Variants in MAP2K5 observed in about 807,000 individuals in gnomAD.
The protein encoded by MAP2K5 is mitogen-activated protein kinase kinase 5.
A neutral mutation model predicts 83.1 loss-of-function variants in MAP2K5; 49 were observed. The ratio of observed to expected loss-of-function variants is 0.59; its 90% CI spans 0.47 to 0.75. MAP2K5 has a LOEUF of 0.75. Among genes scored for constraint, MAP2K5 ranks in the 30% least tolerant of loss-of-function variants. The pLI, the probability that MAP2K5 is intolerant of heterozygous loss-of-function variation, is 0.00. For synonymous variants in MAP2K5, 202 were observed against 191.8 expected (o/e 1.05, Z -0.44); for missense variants, 457 against 557.5 (o/e 0.82, Z 1.82).
chr15:67,626,102 A>T (rs1364618878), intron 8 of MAP2K5, among the ~76,000 whole-genome samples: 1 of 152,218 alleles, frequency 6.6e-6, no homozygotes, highest in Non-Finnish European at 1.5e-5. Context: ...ATTCGAATAT[A>T]TAATATTTTT....
At position 67,720,115 on chromosome 15, in the gene MAP2K5, C is replaced by G. The variant is rs2088920131; in HGVS notation, c.1045-7801C>G. On this transcript the variant is annotated intron_variant, in intron 16 of 21. Coordinates refer to ENST00000178640, the MANE Select transcript of MAP2K5 (RefSeq NM_145160.3). The surrounding 1 kb of genome is among the most constrained non-coding windows in gnomAD (Gnocchi z 5.7). ...CCTTTTTTATTTATCAATTAGCTGC[C>G]TTATACTTACTATGGCCTAGTTAAA... Among the ~76,000 whole-genome samples, 1 of 152,042 alleles carries G rather than the reference C, an allele frequency of 6.6e-6. No individual in the cohort carries two copies. Among genetic ancestry groups the G allele is most frequent in the Non-Finnish European group, 1.5e-5 (1 of 68,022 alleles).
chr15:67,582,852 AC>A, intron 4 of MAP2K5, among the ~76,000 whole-genome samples: 1 of 149,162 alleles, frequency 6.7e-6, no homozygotes, highest in African/African-American at 2.5e-5. Context: ...ACACACACAC[AC>A]ACTTCCAATG....
rs1218224579 is a variant in MAP2K5, at chr15:67,577,586, T to C, written c.253-3168T>C. On this transcript the variant is annotated intron_variant, in intron 3 of 21. Transcript: ENST00000178640. This position sits in a 1 kb window ranked among gnomAD's most constrained non-coding sequence, Gnocchi z 4.1. ...TGGTCGTTGCTGTTTGTTTCTTTGTTTTTTTCTTTTCTTTTGGTTTTGGTC... is the reference window on the plus strand; with the variant it reads ...TGGTCGTTGCTGTTTGTTTCTTTGTCTTTTTCTTTTCTTTTGGTTTTGGTC... Among the ~76,000 whole-genome samples the C allele has an allele frequency of 6.6e-6, 1 of 152,236 alleles. No individual in the cohort carries two copies. The highest frequency in any genetic ancestry group is 2.4e-5 in the African/African-American group (1 of 41,460).
rs1214739603 is a variant in MAP2K5, at chr15:67,802,074, C to G, written c.1243-4572C>G. Among the ~76,000 whole-genome samples the G allele has an allele frequency of 6.6e-6, 1 of 152,164 alleles. No homozygotes were observed. Among genetic ancestry groups the G allele is most frequent in the Non-Finnish European group, 1.5e-5 (1 of 68,026 alleles). On this transcript the variant is annotated intron_variant, in intron 21 of 21. Transcript: ENST00000178640. This position sits in a 1 kb window ranked among gnomAD's most constrained non-coding sequence, Gnocchi z 5.0. ...CCTCCATTCTTGCCCACAAGATGAG[C>G]ACACCAAGCCCTGCCCCCTGCCTCC... is the stretch of plus-strand genomic sequence containing the variant.
chr15:67,543,417 G>C lies in MAP2K5; in HGVS notation c.82G>C (p.Ala28Pro), dbSNP rs1376634815. The part of the protein sequence containing the change: ...VIRIKIPNSG[A>P]VDWTVHSGPQ... Reference sequence around the variant, plus strand: ...TCGCATCAAGATCCCAAATAGTGGCGCGGTGGACTGGACAGTGCACTCCGG... The same window carrying C: ...TCGCATCAAGATCCCAAATAGTGGCCCGGTGGACTGGACAGTGCACTCCGG... The change falls in exon 1 of 22, where the codon GCG (alanine) becomes CCG (proline). Residue 28 changes from alanine to proline, a missense_variant. Coordinates refer to ENST00000178640, the MANE Select transcript of MAP2K5 (RefSeq NM_145160.3). The surrounding 1 kb of genome is among the most constrained non-coding windows in gnomAD (Gnocchi z 4.3). The C allele has an allele frequency of 6.2e-7, 1 of 1,613,994 alleles. No individual in the cohort carries two copies. The highest frequency in any genetic ancestry group is 8.5e-7 in the Non-Finnish European group (1 of 1,180,022).
In MAP2K5 at chr15:67,652,730, A is replaced by G. The variant is rs1425469976; in HGVS notation, c.737-5823A>G. On this transcript the variant is annotated intron_variant, in intron 11 of 21. Coordinates refer to ENST00000178640, the MANE Select transcript of MAP2K5 (RefSeq NM_145160.3). This position sits in a 1 kb window ranked among gnomAD's most constrained non-coding sequence, Gnocchi z 4.2. ...GGTTGTGCAACTGTCACCACCATCC[A>G]TCTGCAGAACTCTTTTTGTCTTGCA... 2.0e-5 allele frequency among the ~76,000 whole-genome samples: 3 copies of G among 152,182 alleles called. No homozygotes were observed. Among genetic ancestry groups the G allele is most frequent in the Non-Finnish European group, 4.4e-5 (3 of 68,020 alleles).
At chr15:67,666,595 C>G (rs1275446649) in intron 13 of MAP2K5, among the ~76,000 whole-genome samples, 1 of 152,158 alleles carries the variant, frequency 6.6e-6, no homozygotes, top group East Asian at 1.9e-4. Flanking sequence ...CTGGTTGCAA[C>G]TTGGGCTAAG....
rs930721425 is a variant in MAP2K5 at position 67,552,520 on chromosome 15, A to G, written c.184+2438A>G. Reference sequence around the variant, plus strand: ...CATGATGATAGCTCACTGCAGCCTTAAACTCCTGGGCTCAAGTGATCTTCC... The same window carrying G: ...CATGATGATAGCTCACTGCAGCCTTGAACTCCTGGGCTCAAGTGATCTTCC... On this transcript the variant is annotated intron_variant, in intron 2 of 21. Coordinates refer to ENST00000178640, the MANE Select transcript of MAP2K5 (RefSeq NM_145160.3). The surrounding 1 kb of genome is among the most constrained non-coding windows in gnomAD (Gnocchi z 4.2). Among the ~76,000 whole-genome samples the G allele has an allele frequency of 5.9e-5, 9 of 152,108 alleles. No individual in the cohort carries two copies. The highest frequency in any genetic ancestry group is 1.3e-4 in the Admixed American group (2 of 15,270).
At chr15:67,656,686 C>A (rs923038074) in intron 11 of MAP2K5, among the ~76,000 whole-genome samples, 1 of 152,072 alleles carries the variant, frequency 6.6e-6, no homozygotes, top group Non-Finnish European at 1.5e-5. Context: ...CTGAGCTCTG[C>A]CATCAGCTGA....
Position 67,794,638 on chromosome 15 carries a change from GAAAAAA to G in MAP2K5, c.1243-11994_1243-11989del, listed in dbSNP as rs61493121. ...CGGGTAACTCTGGAACATCACAGCT[GAAAAAA>G]AAAAAAAAAAAAAGACGGTACTTCA... On this transcript the variant is annotated intron_variant, in intron 21 of 21. Transcript: ENST00000178640. This position sits in a 1 kb window ranked among gnomAD's most constrained non-coding sequence, Gnocchi z 4.6. 1.7e-5 allele frequency among the ~76,000 whole-genome samples: 2 copies of G among 116,522 alleles called. No individual in the cohort carries two copies. The allele number at this position is 116,522 out of a possible 152,430, so 76.4% of individuals were successfully genotyped here.
rs922655146 is a variant in MAP2K5 at position 67,747,193 on chromosome 15, G to C, written c.1075-1038G>C. Among the ~76,000 whole-genome samples the C allele has an allele frequency of 6.6e-6, 1 of 152,110 alleles. No homozygotes were observed. Among genetic ancestry groups the C allele is most frequent in the African/African-American group, 2.4e-5 (1 of 41,414 alleles). On this transcript the variant is annotated intron_variant, in intron 17 of 21. Transcript: ENST00000178640. The surrounding 1 kb of genome is among the most constrained non-coding windows in gnomAD (Gnocchi z 4.1). ...AAGATGATCATCCCTGCCAAACTCAGGGTGGTTGTACAGATCAAATGAGTT... is the reference window on the plus strand; with the variant it reads ...AAGATGATCATCCCTGCCAAACTCACGGTGGTTGTACAGATCAAATGAGTT...
At position 67,626,309 on chromosome 15, in the gene MAP2K5, G is replaced by C. The variant is rs549504113; in HGVS notation, c.546-4579G>C. Among the ~76,000 whole-genome samples, 6 of 152,248 alleles carry C rather than the reference G, an allele frequency of 3.9e-5. No individual in the cohort carries two copies. In the East Asian group the frequency reaches 1.2e-3, roughly 29 times the overall value. ...AGGCCGAGGCTGGTAGATCACTTGA[G>C]GTCAGAAGTTTGAGACCAGCCTGGC... On this transcript the variant is annotated intron_variant, in intron 8 of 21. Transcript: ENST00000178640.
chr15:67,642,171 G>C (rs183880107), intron 9 of MAP2K5, among the ~76,000 whole-genome samples: 3 of 152,306 alleles, frequency 2.0e-5, no homozygotes, highest in Non-Finnish European at 2.9e-5. Context: ...TATTTGTTTG[G>C]TGGTGTACAT....
chr15:67,718,709 A>G (rs1033257634), intron 16 of MAP2K5, among the ~76,000 whole-genome samples: 2 of 152,200 alleles, frequency 1.3e-5, no homozygotes, highest in Non-Finnish European at 2.9e-5. Flanking sequence ...GGTTGCAGTG[A>G]GCCGAGATCA....
chr15:67,727,468 C>T (rs1270331803), intron 16 of MAP2K5, among the ~76,000 whole-genome samples: 1 of 152,162 alleles, frequency 6.6e-6, no homozygotes, highest in Non-Finnish European at 1.5e-5. Flanking sequence ...TTTTCAATTT[C>T]ATAATAATGT....
chr15:67,649,146 T>C (rs1430405561), intron 11 of MAP2K5, among the ~76,000 whole-genome samples: 1 of 152,218 alleles, frequency 6.6e-6, no homozygotes, highest in African/African-American at 2.4e-5. Flanking sequence ...CTAATGATGT[T>C]GAGCATCTTT....
chr15:67,731,850 C>CTAT (rs1354610019), intron 17 of MAP2K5, among the ~76,000 whole-genome samples: 1 of 152,180 alleles, frequency 6.6e-6, no homozygotes, highest in East Asian at 1.9e-4. Flanking sequence ...AACCCTTCTT[C>CTAT]TAGTTTGCCC....
At chr15:67,788,516 G>A (rs184574442) in intron 21 of MAP2K5, among the ~76,000 whole-genome samples, 16 of 152,298 alleles carry the variant, frequency 1.1e-4, no homozygotes, top group Non-Finnish European at 2.1e-4. Context: ...CCCACTGCAT[G>A]GAAAGGGGAT....
At chr15:67,661,808 G>A (rs892482528) in intron 12 of MAP2K5, among the ~76,000 whole-genome samples, 1 of 151,996 alleles carries the variant, frequency 6.6e-6, no homozygotes, top group Non-Finnish European at 1.5e-5. Context: ...CTTCTAAGTT[G>A]AAAATTTTAA....
Sources: gnomAD v4.1 joint callset for allele counts (sites outside exome capture counted in the v4.1 genomes callset) on GRCh38, gnomAD v4.1.1 for gene constraint, Gnocchi (gnomAD v3.1) non-coding constraint, MANE v1.5 for transcripts, NCBI Gene and HGNC (gene_info 2026-07-23, HGNC 2026-07-21) for gene names.